CCDC47: variants seen among roughly 807,000 people sequenced by gnomAD.
CCDC47 encodes PAT complex subunit CCDC47.
Under a neutral mutation model 60.5 loss-of-function variants are expected in CCDC47, and 41 were observed. That is an observed-to-expected ratio of 0.68 (90% CI 0.53 to 0.88). The LOEUF (loss-of-function observed/expected upper bound fraction) is 0.88. Among genes scored for constraint, CCDC47 ranks in the 40% least tolerant of loss-of-function variants. The pLI is 0.00. For missense variants in CCDC47, 513 were observed against 580.9 expected, an observed-to-expected ratio of 0.88 and a Z score of 1.20; for synonymous variants, 195 against 190.7, an observed-to-expected ratio of 1.02 and a Z score of -0.18.
chr17:63,753,607 C>A (rs1198157539), intron 9 of CCDC47: 22 of 977,540 alleles, frequency 2.3e-5, no homozygotes, highest in Non-Finnish European at 2.7e-5. Context: ...ATTCAAAGAA[C>A]AAATCCAAGT....
intron 1 of CCDC47, among the ~76,000 whole-genome samples, chr17:63,771,224 G>C: frequency 6.6e-6 from 1 of 151,308 alleles, no homozygotes; most frequent in Admixed American, 6.6e-5. Context: ...GGCAAGAACA[G>C]TTAAAAAAAA....
intron 6 of CCDC47, among the ~76,000 whole-genome samples, chr17:63,757,792 A>G (rs1220817306): frequency 6.6e-6 from 1 of 152,226 alleles, no homozygotes; most frequent in Non-Finnish European, 1.5e-5. Flanking sequence ...TTCCTGAATA[A>G]CAAGAGTATC....
intron 2 of CCDC47, 87 bp downstream of exon 2, chr17:63,765,825 G>C: frequency 7.0e-7 from 1 of 1,427,280 alleles, no homozygotes; most frequent in Non-Finnish European, 9.5e-7. Context: ...AGACAGTAAA[G>C]GTCTCTTGAG....
intron 1 of CCDC47, chr17:63,767,026 A>ATTT (rs1386854439): frequency 4.1e-5 from 28 of 688,194 alleles, no homozygotes; most frequent in Non-Finnish European, 5.0e-5. Context: ...AAAGCAACTA[A>ATTT]TTTAATCCTC....
At chr17:63,765,180 G>A (rs1262444260) in intron 2 of CCDC47, 1 of 155,054 alleles carries the variant, frequency 6.4e-6, no homozygotes, top group Admixed American at 6.6e-5. Flanking sequence ...TAATTAGCTT[G>A]ATTGTGGTAA....
rs762002652 is a variant in CCDC47 at position 63,758,244 on chromosome 17, ATAGT to A, written c.736-1678_736-1675del. 1.6e-4 allele frequency among the ~76,000 whole-genome samples: 24 copies of A among 152,354 alleles called. 1 individual carries two copies. Among genetic ancestry groups the A allele is most frequent in the Middle Eastern group, 3.4e-3 (1 of 294 alleles). ...TGGGGAGGTCATAGGAACCCGATTAATAGTTAGTTGGTCAGAAGTCCAGATGGTA... is the reference window on the plus strand; with the variant it reads ...TGGGGAGGTCATAGGAACCCGATTAATAGTTGGTCAGAAGTCCAGATGGTA... On this transcript the variant is annotated intron_variant, in intron 6 of 12. Transcript: ENST00000225726.
chr17:63,759,012 T>C (rs7222189), intron 6 of CCDC47, among the ~76,000 whole-genome samples: 105,677 of 152,036 alleles, frequency 0.7, 38,009 homozygotes, highest in African/African-American at 0.9. Context: ...AGAATAATTT[T>C]TACAAAAAGA....
chr17:63,765,590 T>C, intron 2 of CCDC47: 1 of 548,038 alleles, frequency 1.8e-6, no homozygotes, highest in African/African-American at 2.0e-5. Context: ...TCTGCCTGCC[T>C]TGGCCTCCCA....
intron 6 of CCDC47, among the ~76,000 whole-genome samples, chr17:63,757,209 AAAAG>A (rs1430148084): frequency 2.6e-5 from 4 of 151,356 alleles, no homozygotes; most frequent in East Asian, 1.9e-4. Context: ...AAAAAAAAAA[AAAAG>A]AAAGAAAAAT....
intron 9 of CCDC47, chr17:63,753,645 A>T: frequency 1.0e-6 from 1 of 982,848 alleles, no homozygotes; most frequent in Non-Finnish European, 1.2e-6. Context: ...GAACAGTATT[A>T]CTATAAAGCT....
chr17:63,773,227 G>A (rs374790572), intron 1 of CCDC47, among the ~76,000 whole-genome samples, 185 bp downstream of exon 1: 9 of 152,090 alleles, frequency 5.9e-5, no homozygotes, highest in African/African-American at 2.2e-4. Context: ...GTCATCCTCC[G>A]GCACACACTG....
Position 63,764,724 on chromosome 17 carries a change from A to C in CCDC47, c.372+16T>G, listed in dbSNP as rs1348254285. 1.3e-6 allele frequency: 2 copies of C among 1,597,594 alleles called. No homozygotes were observed. Among genetic ancestry groups the C allele is most frequent in the South Asian group, 2.3e-5 (2 of 88,550 alleles). The stretch of plus-strand genomic sequence containing the variant: ...TTTTGTTGTTTAGTTGGGAATTCAG[A>C]ATCCTGGATACCTACATCAACAATC... On this transcript the variant is annotated intron_variant, in intron 3 of 12. Coordinates refer to ENST00000225726, the MANE Select transcript of CCDC47 (RefSeq NM_020198.3).
chr17:63,762,749 T>C (rs2039269934), intron 4 of CCDC47, among the ~76,000 whole-genome samples: 1 of 152,194 alleles, frequency 6.6e-6, no homozygotes, highest in African/African-American at 2.4e-5. Flanking sequence ...GGACTTTCAA[T>C]TTCTAAAAGA....
rs2039280761 is a variant in CCDC47 at position 63,764,141 on chromosome 17, A to G, written c.422T>C (p.Leu141Ser). 6.2e-7 allele frequency: 1 copy of G among 1,612,088 alleles called. No individual in the cohort carries two copies. The highest frequency in any genetic ancestry group is 8.5e-7 in the Non-Finnish European group (1 of 1,179,538). Residue 141 changes from leucine (L) to serine (S), a missense_variant, in exon 4 of 13, where the codon TTG becomes TCG. Transcript: ENST00000225726. ...ATAAGCAAGCAGACCAGTCACCATCAAAATTTCTAGATAATAACTCTCCCA... is the reference window on the plus strand; with the variant it reads ...ATAAGCAAGCAGACCAGTCACCATCGAAATTTCTAGATAATAACTCTCCCA... ...NSWESYYLEI[L>S]MVTGLLAYIM...
chr17:63,756,142 C>T lies in CCDC47; in HGVS notation c.948+98G>A, dbSNP rs2144480045. 3 of 766,686 alleles carry T rather than the reference C, an allele frequency of 3.9e-6. No individual in the cohort carries two copies. In the East Asian group the frequency reaches 7.6e-5, roughly 19 times the overall value. 47.5% of individuals were successfully genotyped at this position (766,686 alleles called of 1,614,324 possible). On this transcript the variant is annotated intron_variant, in intron 8 of 12. Coordinates refer to ENST00000225726, the MANE Select transcript of CCDC47 (RefSeq NM_020198.3). ...GTGGGAAAGGAATGTAAAACTAATA[C>T]ATTGCCATAAAATGATGAACTTGTA...
chr17:63,762,957 T>TTA (rs2144490974), intron 4 of CCDC47, among the ~76,000 whole-genome samples: 1 of 152,356 alleles, frequency 6.6e-6, no homozygotes, highest in Admixed American at 6.5e-5. Flanking sequence ...GGTCTCATTC[T>TTA]GTCACCCAGG....
chr17:63,771,302 T>C (rs1412232756), intron 1 of CCDC47, among the ~76,000 whole-genome samples: 1 of 152,120 alleles, frequency 6.6e-6, no homozygotes, highest in Admixed American at 6.5e-5. Flanking sequence ...TATACATATA[T>C]AAGTATATGG....
intron 9 of CCDC47, chr17:63,753,680 T>C: frequency 2.1e-6 from 2 of 969,126 alleles, no homozygotes; most frequent in Non-Finnish European, 2.5e-6. Flanking sequence ...CATTGTGGGC[T>C]TCTATGCTAG....
At position 63,752,310 on chromosome 17, in the gene CCDC47, T is replaced by G; in HGVS notation, c.1203+10A>C. On this transcript the variant is annotated intron_variant, in intron 11 of 12. Coordinates refer to ENST00000225726, the MANE Select transcript of CCDC47 (RefSeq NM_020198.3). ...GTGCCAATTTATATAATACAGGCAT[T>G]GGGTCTTACTTCTCTGTTGAGTCGG... The G allele has an allele frequency of 6.3e-7, 1 of 1,582,324 alleles. No homozygotes were observed. The highest frequency in any genetic ancestry group is 1.1e-5 in the South Asian group (1 of 89,802).
Sources: gnomAD v4.1 joint callset for allele counts (sites outside exome capture counted in the v4.1 genomes callset) on GRCh38, gnomAD v4.1.1 for gene constraint, MANE v1.5 for transcripts, NCBI Gene and HGNC (gene_info 2026-07-23, HGNC 2026-07-21) for gene names.